The following PDCD6IP variants were observed in gnomAD, a reference collection of about 807,000 sequenced individuals.
The protein encoded by PDCD6IP is programmed cell death 6 interacting protein.
A neutral mutation model predicts 103.7 loss-of-function variants in PDCD6IP; 43 were observed. That is an observed-to-expected ratio of 0.41 (90% CI 0.32 to 0.53). PDCD6IP has a LOEUF of 0.53. Ranked by LOEUF, PDCD6IP falls within the 20% of genes least tolerant of loss-of-function variation. The pLI is 0.16. For synonymous variants in PDCD6IP, 354 were observed against 378.7 expected (o/e 0.93, Z 0.76); for missense variants, 871 against 1,036.7 (o/e 0.84, Z 2.20).
At chr3:33,863,390 GTA>G (rs1187066977) in intron 15 of PDCD6IP, among the ~76,000 whole-genome samples, 1 of 152,092 alleles carries the variant, frequency 6.6e-6, no homozygotes, top group African/African-American at 2.4e-5. Flanking sequence ...CTCTCTGACT[GTA>G]TTTTTGTACC....
intron 1 of PDCD6IP, among the ~76,000 whole-genome samples, chr3:33,803,475 G>T (rs984474485): frequency 6.6e-6 from 1 of 151,940 alleles, no homozygotes; most frequent in South Asian, 2.1e-4. Flanking sequence ...ATTTTCTATT[G>T]AGTTGTTTTT....
At chr3:33,805,374 T>C (rs7627520) in intron 1 of PDCD6IP, among the ~76,000 whole-genome samples, 2 of 151,672 alleles carry the variant, frequency 1.3e-5, no homozygotes, top group African/African-American at 4.8e-5. Context: ...AAAAAAATTT[T>C]TTTTTCCTTT....
intron 1 of PDCD6IP, among the ~76,000 whole-genome samples, chr3:33,808,656 A>G (rs1025110893): frequency 6.6e-6 from 1 of 152,160 alleles, no homozygotes; most frequent in Admixed American, 6.5e-5. Context: ...CTGGATTACT[A>G]CGGTAGCTTC....
Position 33,841,877 on chromosome 3 carries a change from A to G in PDCD6IP, c.1182-20A>G. 2 of 1,522,578 alleles carry G rather than the reference A, an allele frequency of 1.3e-6. No individual in the cohort carries two copies. Among genetic ancestry groups the G allele is most frequent in the Non-Finnish European group, 1.8e-6 (2 of 1,112,760 alleles). The allele number at this position is 1,522,578 out of a possible 1,614,324, so 94.3% of individuals were successfully genotyped here. ...AAATTGTTTTAGACTTCAGTATAACATAGTATCTCATTTTTTCAGGGTGCT... is the reference window on the plus strand; with the variant it reads ...AAATTGTTTTAGACTTCAGTATAACGTAGTATCTCATTTTTTCAGGGTGCT... On this transcript the variant is annotated intron_variant, in intron 9 of 17. Coordinates refer to ENST00000307296, the MANE Select transcript of PDCD6IP (RefSeq NM_013374.6).
intron 1 of PDCD6IP, among the ~76,000 whole-genome samples, chr3:33,805,667 G>T (rs1696579434): frequency 6.6e-6 from 1 of 150,730 alleles, no homozygotes; most frequent in African/African-American, 2.4e-5. Context: ...CAGTCCTCCT[G>T]TCTTGGCCTC....
Position 33,822,046 on chromosome 3 carries a change from T to C in PDCD6IP, c.426T>C (p.Asn142=). Residue 142 remains asparagine (N), a synonymous_variant, in exon 4 of 18, where the codon AAT becomes AAC. Transcript: ENST00000307296. ...TTGCAGCAGAACAGAACCTGGATAA[T>C]GATGAAGGATTGAAAATCGCTGCTA... ...SQIAAEQNLD[N]DEGLKIAAKH... 6.2e-7 allele frequency: 1 copy of C among 1,614,114 alleles called. No individual in the cohort carries two copies. The highest frequency in any genetic ancestry group is 8.5e-7 in the Non-Finnish European group (1 of 1,179,992).
intron 15 of PDCD6IP, among the ~76,000 whole-genome samples, chr3:33,857,730 G>A (rs1697860326): frequency 6.6e-6 from 1 of 152,162 alleles, no homozygotes; most frequent in Non-Finnish European, 1.5e-5. Context: ...GAGAAAATGA[G>A]TGTTCTGATA....
chr3:33,848,292 G>T (rs4678618), intron 12 of PDCD6IP, among the ~76,000 whole-genome samples: 27,939 of 152,144 alleles, frequency 0.18, 2,961 homozygotes, highest in East Asian at 0.39. Context: ...TAGGGTAAAT[G>T]TATCAAGTTT....
rs1226130506 is a variant in PDCD6IP at position 33,844,196 on chromosome 3, A to G, written c.1444A>G (p.Asn482Asp). The change falls in exon 11 of 18, where the codon AAT becomes GAT. Residue 482 changes from asparagine to aspartate, a missense_variant. Transcript: ENST00000307296. ...FKERWQRTPSNELYKPLRAEG... is the reference protein window; with the variant it reads ...FKERWQRTPSDELYKPLRAEG... ...GGAACGTTGGCAAAGGACACCATCC[A>G]ATGAACTGTATAAGCCTTTAAGAGC... 3.7e-6 allele frequency: 6 copies of G among 1,601,830 alleles called. No homozygotes were observed. The highest frequency in any genetic ancestry group is 5.1e-6 in the Non-Finnish European group (6 of 1,176,132).
intron 15 of PDCD6IP, among the ~76,000 whole-genome samples, chr3:33,861,009 AAAAAC>A (rs1368869147): frequency 5.9e-5 from 9 of 152,316 alleles, no homozygotes; most frequent in African/African-American, 1.9e-4. Flanking sequence ...TTAAAAAAAA[AAAAAC>A]AGGTGAAATT....
intron 4 of PDCD6IP, among the ~76,000 whole-genome samples, chr3:33,824,489 C>T (rs1419480404): frequency 1.3e-5 from 2 of 152,112 alleles, no homozygotes; most frequent in African/African-American, 2.4e-5. Flanking sequence ...AACTCCTGAC[C>T]TCAGGTAATC....
At position 33,836,066 on chromosome 3, in the gene PDCD6IP, C is replaced by T. The variant is rs759535313; in HGVS notation, c.857C>T (p.Thr286Ile). 10 of 1,593,772 alleles carry T rather than the reference C, an allele frequency of 6.3e-6. 1 individual carries two copies. The East Asian group carries it at 2.3e-4, about 36-fold the overall frequency. Residue 286 changes from threonine (T) to isoleucine (I), a missense_variant, in exon 8 of 18, where the codon ACA becomes ATA. Physicochemically the swap from Thr to Ile is moderately conservative, Grantham distance 89 (BLOSUM62 -1). Around this residue, in one of 5 missense-constraint regions of PDCD6IP, gnomAD observed 242 missense variants for 250.7 expected, o/e 0.97. Transcript: ENST00000307296. ...TAGCATGCAGCAGAACTGATTAAAA[C>T]AGTGGCATCTCGCTATGATGAATAT... ...RLQHAAELIKTVASRYDEYVN... is the reference protein window; with the variant it reads ...RLQHAAELIKIVASRYDEYVN...
intron 7 of PDCD6IP, among the ~76,000 whole-genome samples, chr3:33,831,864 A>G (rs907566042): frequency 6.6e-6 from 1 of 152,154 alleles, no homozygotes; most frequent in Non-Finnish European, 1.5e-5. Context: ...CTTTTCTCAT[A>G]TAACAATGTA....
chr3:33,861,781 T>A (rs1289328314), intron 15 of PDCD6IP, among the ~76,000 whole-genome samples: 1 of 152,254 alleles, frequency 6.6e-6, no homozygotes, highest in African/African-American at 2.4e-5. Flanking sequence ...TGATGACTAA[T>A]ATGTCCTTTT....
chr3:33,802,377 T>C (rs1696494931), intron 1 of PDCD6IP, among the ~76,000 whole-genome samples: 1 of 152,172 alleles, frequency 6.6e-6, no homozygotes, highest in African/African-American at 2.4e-5. Flanking sequence ...GTTTTGTTAA[T>C]AAGGAATAGG....
intron 9 of PDCD6IP, among the ~76,000 whole-genome samples, chr3:33,839,742 G>A (rs1697429023): frequency 6.6e-6 from 1 of 152,106 alleles, no homozygotes; most frequent in South Asian, 2.1e-4. Flanking sequence ...AAATACAATT[G>A]TTCTGCATCC....
intron 4 of PDCD6IP, among the ~76,000 whole-genome samples, chr3:33,822,830 T>A (rs574341975): frequency 6.6e-6 from 1 of 152,156 alleles, no homozygotes; most frequent in South Asian, 2.1e-4. Context: ...TAATTTTTTT[T>A]GTATTTTTAG....
At chr3:33,840,278 G>T (rs186789345) in intron 9 of PDCD6IP, among the ~76,000 whole-genome samples, 1 of 152,272 alleles carries the variant, frequency 6.6e-6, no homozygotes, top group Non-Finnish European at 1.5e-5. Flanking sequence ...AAATGGAAAT[G>T]GATCATCATA....
intron 12 of PDCD6IP, among the ~76,000 whole-genome samples, chr3:33,846,990 C>T (rs942728261): frequency 1.3e-5 from 2 of 151,994 alleles, no homozygotes; most frequent in African/African-American, 4.8e-5. Flanking sequence ...AACGGGGGAA[C>T]CCAATGGAAC....
Sources: gnomAD v4.1 joint callset for allele counts (sites outside exome capture counted in the v4.1 genomes callset) on GRCh38, gnomAD v4.1.1 for gene constraint, gnomAD v4.1.1 regional missense constraint, MANE v1.5 for transcripts, NCBI Gene and HGNC (gene_info 2026-07-23, HGNC 2026-07-21) for gene names.